Variants in CCNJL observed in about 807,000 individuals in gnomAD.
CCNJL encodes the protein cyclin J like.
A neutral mutation model predicts 33.4 loss-of-function variants in CCNJL; 33 were observed. The observed-to-expected ratio is 0.99, with a 90% confidence interval of 0.75 to 1.32. The LOEUF (loss-of-function observed/expected upper bound fraction) is 1.32, where lower values mean the gene tolerates loss of function less well. Ranked by LOEUF, CCNJL falls within the 40% of genes most tolerant of loss-of-function variation. The pLI, the probability that CCNJL is intolerant of heterozygous loss-of-function variation, is 0.00. For missense variants in CCNJL, 512 were observed against 499.7 expected, an observed-to-expected ratio of 1.02 and a Z score of -0.23; for synonymous variants, 227 against 220.9, an observed-to-expected ratio of 1.03 and a Z score of -0.24.
At chr5:160,275,247 G>A (rs529860217) in intron 3 of CCNJL, among the ~76,000 whole-genome samples, 1 of 152,130 alleles carries the variant, frequency 6.6e-6, no homozygotes, top group South Asian at 2.1e-4. Flanking sequence ...ACCATGCCTG[G>A]CTAATTTTTG....
chr5:160,262,998 A>G (rs536540455), intron 3 of CCNJL, among the ~76,000 whole-genome samples: 26 of 152,342 alleles, frequency 1.7e-4, no homozygotes, highest in African/African-American at 6.3e-4. Flanking sequence ...GAGTCCTTCC[A>G]AGCCAGACAA....
At chr5:160,283,021 A>C (rs1474107062) in intron 2 of CCNJL, among the ~76,000 whole-genome samples, 2 of 108,952 alleles carry the variant, frequency 1.8e-5, no homozygotes, top group South Asian at 6.1e-4. Flanking sequence ...ATATATATAT[A>C]TATATACCTA....
At position 160,253,555 on chromosome 5, in the gene CCNJL, G is replaced by A. The variant is rs771632303; in HGVS notation, c.987C>T (p.Ser329=). Residue 329 remains serine, a synonymous_variant, in exon 6 of 6, where the codon TCC becomes TCT. Transcript: ENST00000257536. ...GSLLSGSTGS[S]LHTPYQPLQP... ...GCAGCGGTTGGTACGGGGTGTGGAG[G>A]GATGAGCCTGTACTCCCCGAGAGCA... 2.5e-6 allele frequency: 4 copies of A among 1,614,186 alleles called. No individual in the cohort carries two copies. The South Asian group carries it at 3.3e-5, about 13-fold the overall frequency.
rs138447989 is a variant in CCNJL at position 160,250,422 on chromosome 5, C to G, written c.*2956G>C. 7 of 152,412 alleles carry G rather than the reference C, an allele frequency of 4.6e-5. No individual in the cohort carries two copies. The highest frequency in any genetic ancestry group is 1.7e-4 in the African/African-American group (7 of 41,594). 9.4% of individuals were successfully genotyped at this position (152,412 alleles called of 1,614,324 possible). A position where few individuals can be genotyped will look rare whatever the true frequency, so the allele number is the denominator to read the frequency against. On this transcript the variant is annotated 3_prime_UTR_variant, in exon 6 of 6. Coordinates refer to ENST00000257536, the MANE Select transcript of CCNJL (RefSeq NM_001308173.3). ...CGCCCTTGGCGGTGTCAAACACACT[C>G]CTGGGTCTGGGCTGCAGCCTCAGGC...
intron 2 of CCNJL, chr5:160,280,939 T>C (rs1383545329): frequency 1.5e-6 from 1 of 682,008 alleles, no homozygotes; most frequent in African/African-American, 1.8e-5. Flanking sequence ...GCTCATAAAG[T>C]ATCAAGGACC....
At chr5:160,306,319 G>C (rs1282970252) in intron 2 of CCNJL, among the ~76,000 whole-genome samples, 1 of 150,300 alleles carries the variant, frequency 6.7e-6, no homozygotes, top group African/African-American at 2.5e-5. Context: ...GAAGTCCTCT[G>C]AGTGTGCAAT....
chr5:160,310,287 T>C (rs1206527823), intron 2 of CCNJL, among the ~76,000 whole-genome samples: 2 of 152,222 alleles, frequency 1.3e-5, no homozygotes, highest in Non-Finnish European at 2.9e-5. Context: ...CCTGGATTTC[T>C]TCTTGTCCAG....
At chr5:160,337,151 G>A (rs13156440) in intron 1 of CCNJL, among the ~76,000 whole-genome samples, 58,397 of 149,902 alleles carry the variant, frequency 0.39, 13,091 homozygotes, top group Middle Eastern at 0.5. Context: ...CTACAGGCAC[G>A]TACCACCATG....
intron 2 of CCNJL, among the ~76,000 whole-genome samples, chr5:160,302,894 C>G (rs1762967930): frequency 6.6e-6 from 1 of 152,052 alleles, no homozygotes; most frequent in South Asian, 2.1e-4. Context: ...CATACTACCT[C>G]TCTGTCAAAG....
chr5:160,328,082 A>G (rs952547438), intron 1 of CCNJL, among the ~76,000 whole-genome samples: 1 of 152,172 alleles, frequency 6.6e-6, no homozygotes, highest in African/African-American at 2.4e-5. Context: ...AGGCTCACGC[A>G]GGAGTGCGCG....
chr5:160,333,322 C>T (rs1763634069), intron 1 of CCNJL, among the ~76,000 whole-genome samples: 1 of 152,016 alleles, frequency 6.6e-6, no homozygotes, highest in Admixed American at 6.6e-5. Flanking sequence ...GATGGGGTTT[C>T]ACCGTGTTAG....
intron 3 of CCNJL, among the ~76,000 whole-genome samples, chr5:160,277,702 G>GT (rs1377485919): frequency 6.6e-6 from 1 of 151,196 alleles, no homozygotes; most frequent in Non-Finnish European, 1.5e-5. Context: ...AGAAGGGGCT[G>GT]TAGGTAGGTG....
At chr5:160,319,302 T>C (rs566956740) in intron 1 of CCNJL, among the ~76,000 whole-genome samples, 4 of 152,288 alleles carry the variant, frequency 2.6e-5, no homozygotes, top group Admixed American at 2.6e-4. Context: ...TAACCTGAAG[T>C]CACCCATCTC....
At chr5:160,307,490 C>A (rs898468671) in intron 2 of CCNJL, among the ~76,000 whole-genome samples, 1 of 152,152 alleles carries the variant, frequency 6.6e-6, no homozygotes, top group Admixed American at 6.6e-5. Context: ...GGATTCAACA[C>A]CCTATTAATT....
intron 2 of CCNJL, among the ~76,000 whole-genome samples, chr5:160,308,532 C>T (rs915336806): frequency 9.2e-5 from 14 of 152,158 alleles, no homozygotes; most frequent in East Asian, 1.9e-4. Context: ...CCGAGGCTGA[C>T]GGATAACGAG....
chr5:160,261,161 G>C (rs981888947), intron 3 of CCNJL: 1 of 152,372 alleles, frequency 6.6e-6, no homozygotes, highest in East Asian at 1.9e-4. Flanking sequence ...ACCACCACAG[G>C]CTGCTCCACA....
At chr5:160,303,692 C>CTGTG (rs1292597058) in intron 2 of CCNJL, among the ~76,000 whole-genome samples, 5 of 95,814 alleles carry the variant, frequency 5.2e-5, no homozygotes, top group East Asian at 2.8e-4. Flanking sequence ...AACAAATCCT[C>CTGTG]TGTGTGTCTG....
chr5:160,295,183 G>C (rs571182372), intron 2 of CCNJL, among the ~76,000 whole-genome samples: 2 of 152,304 alleles, frequency 1.3e-5, no homozygotes, highest in East Asian at 3.9e-4. Context: ...CAAAACCTCA[G>C]AATGTGACCT....
At position 160,252,052 on chromosome 5, in the gene CCNJL, A is replaced by G. The variant is rs150568515; in HGVS notation, c.*1326T>C. ...GGAATCCAAGACAGGTATTCCTCAA[A>G]CAAAACAAAAATTGCTTCCACGGTC... On this transcript the variant is annotated 3_prime_UTR_variant, in exon 6 of 6. Coordinates refer to ENST00000257536, the MANE Select transcript of CCNJL (RefSeq NM_001308173.3). 1.3e-5 allele frequency: 2 copies of G among 152,724 alleles called. No individual in the cohort carries two copies. Among genetic ancestry groups the G allele is most frequent in the East Asian group, 3.9e-4 (2 of 5,180 alleles). 9.5% of individuals were successfully genotyped at this position (152,724 alleles called of 1,614,324 possible).
Sources: allele counts gnomAD v4.1 joint callset (sites outside exome capture counted in the v4.1 genomes callset), GRCh38; gene constraint gnomAD v4.1.1; transcripts MANE v1.5; gene names NCBI Gene and HGNC (gene_info 2026-07-23, HGNC 2026-07-21).